The following GALNT13 variants were observed in gnomAD, a reference collection of about 807,000 sequenced individuals.
GALNT13 encodes the protein polypeptide N-acetylgalactosaminyltransferase 13, also known as UDP-GalNAc:polypeptide N-acetylgalactosaminyltransferase 13.
A neutral mutation model predicts 64.2 loss-of-function variants in GALNT13; 28 were observed. The ratio of observed to expected loss-of-function variants is 0.44; its 90% CI spans 0.32 to 0.60. GALNT13 has a LOEUF of 0.60. Ranked by LOEUF, GALNT13 falls within the 20% of genes least tolerant of loss-of-function variation. The pLI is 0.05. For missense variants in GALNT13, 577 were observed against 669.8 expected, an observed-to-expected ratio of 0.86 and a Z score of 1.53; for synonymous variants, 214 against 224.6, an observed-to-expected ratio of 0.95 and a Z score of 0.42.
chr2:153,674,376 A>G, the GALNT13 span, among the ~76,000 whole-genome samples: 1 of 152,202 alleles, frequency 6.6e-6, no homozygotes, highest in Non-Finnish European at 1.5e-5. Context: ...GGAACAGAAC[A>G]GAGGTCTAAG....
chr2:153,442,908 G>A, the GALNT13 span, among the ~76,000 whole-genome samples: 2 of 152,156 alleles, frequency 1.3e-5, no homozygotes, highest in African/African-American at 2.4e-5. Context: ...TACCAAGCTC[G>A]AGTGTCCCTG....
chr2:153,303,432 T>C, the GALNT13 span, among the ~76,000 whole-genome samples: 3 of 152,332 alleles, frequency 2.0e-5, no homozygotes, highest in South Asian at 6.2e-4. Context: ...GTTGAATATA[T>C]TCATTCTTTC....
chr2:153,195,898 A>G, the GALNT13 span, among the ~76,000 whole-genome samples: 3 of 152,176 alleles, frequency 2.0e-5, no homozygotes, highest in East Asian at 1.9e-4. Context: ...AGGGTGTCCC[A>G]TGAGTGTTCA....
the GALNT13 span, among the ~76,000 whole-genome samples, chr2:153,750,178 C>G: frequency 6.6e-6 from 1 of 151,674 alleles, no homozygotes; most frequent in African/African-American, 2.4e-5. Flanking sequence ...AAATAATCCC[C>G]CTTGTTCATG....
chr2:154,456,015 A>C (rs1459756126), downstream of GALNT13, among the ~76,000 whole-genome samples: 1 of 152,200 alleles, frequency 6.6e-6, no homozygotes, highest in Non-Finnish European at 1.5e-5. Flanking sequence ...TTTTTTAAAA[A>C]TGAGATTTTC....
intron 3 of GALNT13, among the ~76,000 whole-genome samples, chr2:153,946,263 C>T (rs1477187316): frequency 6.6e-6 from 1 of 152,088 alleles, no homozygotes; most frequent in Non-Finnish European, 1.5e-5. Context: ...CTTTGATAGC[C>T]TTTTCTGCCA....
chr2:153,281,021 A>G, the GALNT13 span, among the ~76,000 whole-genome samples: 1 of 152,152 alleles, frequency 6.6e-6, no homozygotes, highest in East Asian at 1.9e-4. Flanking sequence ...AGAAGTACTC[A>G]TTTTATGGAT....
the GALNT13 span, among the ~76,000 whole-genome samples, chr2:153,861,559 CTTTTTTTTTT>C: frequency 3.3e-3 from 394 of 118,188 alleles, 1 homozygote; most frequent in East Asian, 0.047. Context: ...TTCTTTCTTT[CTTTTTTTTTT>C]TTTTTTTTTT....
chr2:153,253,796 GC>G, the GALNT13 span, among the ~76,000 whole-genome samples: 1 of 150,992 alleles, frequency 6.6e-6, no homozygotes, highest in South Asian at 2.1e-4. Flanking sequence ...TATTGAATCA[GC>G]CCTGCATCCC....
intron 4 of GALNT13, among the ~76,000 whole-genome samples, chr2:154,166,833 T>A (rs1291521330): frequency 6.6e-6 from 1 of 152,142 alleles, no homozygotes; most frequent in African/African-American, 2.4e-5. Context: ...TGTAGGGACA[T>A]AGATGAAGCT....
chr2:153,721,396 G>A, the GALNT13 span, among the ~76,000 whole-genome samples: 1 of 141,310 alleles, frequency 7.1e-6, no homozygotes, highest in East Asian at 2.0e-4. Flanking sequence ...GGAAGAAACT[G>A]CATCAACTAA....
chr2:154,056,351 T>A (rs1314570350), intron 3 of GALNT13, among the ~76,000 whole-genome samples: 1 of 152,134 alleles, frequency 6.6e-6, no homozygotes, highest in African/African-American at 2.4e-5. Flanking sequence ...ATATTCATCA[T>A]AGAAAAATTT....
At chr2:153,869,948 C>T (rs764415513), upstream of GALNT13, among the ~76,000 whole-genome samples, 2 of 152,044 alleles carry the variant, frequency 1.3e-5, no homozygotes, top group Non-Finnish European at 2.9e-5. Flanking sequence ...GCAACTACGA[C>T]TACTGCTAGC....
At chr2:153,962,730 G>T (rs1693029214) in intron 3 of GALNT13, among the ~76,000 whole-genome samples, 2 of 152,102 alleles carry the variant, frequency 1.3e-5, no homozygotes, top group Non-Finnish European at 2.9e-5. Flanking sequence ...TTGGACAAAT[G>T]GATCTCAGAT....
At chr2:153,813,451 C>G in the GALNT13 span, among the ~76,000 whole-genome samples, 2 of 152,144 alleles carry the variant, frequency 1.3e-5, no homozygotes, top group African/African-American at 4.8e-5. Context: ...CTTCTAGAAT[C>G]AGAAAGTAGC....
At chr2:154,252,826 GAAGA>G (rs1205045177) in intron 7 of GALNT13, among the ~76,000 whole-genome samples, 1 of 151,940 alleles carries the variant, frequency 6.6e-6, no homozygotes, top group East Asian at 1.9e-4. Flanking sequence ...GAGAGGAAAG[GAAGA>G]AAGAAAGAAA....
the GALNT13 span, among the ~76,000 whole-genome samples, chr2:153,847,259 C>T: frequency 1.7e-3 from 253 of 151,930 alleles, 2 homozygotes; most frequent in South Asian, 0.014. Flanking sequence ...GAAAGAATTA[C>T]GAGATTTGAG....
At chr2:153,683,260 A>C in the GALNT13 span, among the ~76,000 whole-genome samples, 1 of 151,846 alleles carries the variant, frequency 6.6e-6, no homozygotes, top group East Asian at 1.9e-4. Context: ...GCACTTCATA[A>C]AGTGATTGGA....
At chr2:153,490,221 C>T in the GALNT13 span, among the ~76,000 whole-genome samples, 15 of 152,004 alleles carry the variant, frequency 9.9e-5, no homozygotes, top group South Asian at 6.2e-4. Context: ...AAGTTATCTA[C>T]GTTTTCCATT....
Sources: gnomAD v4.1 joint callset for allele counts (sites outside exome capture counted in the v4.1 genomes callset) on GRCh38, gnomAD v4.1.1 for gene constraint, MANE v1.5 for transcripts, NCBI Gene and HGNC (gene_info 2026-07-23, HGNC 2026-07-21) for gene names.